LIN52: variants seen among roughly 807,000 people sequenced by gnomAD.
LIN52 encodes the protein protein lin-52 homolog.
A neutral mutation model predicts 18.5 loss-of-function variants in LIN52; 4 were observed. The observed-to-expected ratio is 0.22, with a 90% confidence interval of 0.11 to 0.49. The LOEUF (loss-of-function observed/expected upper bound fraction) is 0.49. Among genes scored for constraint, LIN52 ranks in the 20% least tolerant of loss-of-function variants. LIN52 has a pLI of 0.97. For synonymous variants in LIN52, 34 were observed against 45.5 expected (o/e 0.75, Z 1.02); for missense variants, 102 against 139.5 (o/e 0.73, Z 1.35).
At chr14:74,188,447 T>C (rs542227322) in intron 5 of LIN52, among the ~76,000 whole-genome samples, 1 of 152,262 alleles carries the variant, frequency 6.6e-6, no homozygotes, top group East Asian at 1.9e-4. Flanking sequence ...TGTATTTTTT[T>C]AAAAAGTTCT....
chr14:74,193,372 C>T (rs1181560290), intron 5 of LIN52, among the ~76,000 whole-genome samples: 1 of 151,796 alleles, frequency 6.6e-6, no homozygotes, highest in Non-Finnish European at 1.5e-5. Context: ...TATGGCTGCA[C>T]CACTGCACTC....
intron 5 of LIN52, among the ~76,000 whole-genome samples, chr14:74,154,243 A>G (rs2061188833): frequency 6.6e-6 from 1 of 151,690 alleles, no homozygotes; most frequent in African/African-American, 2.4e-5. Flanking sequence ...TAGCCATGAC[A>G]GTTTTAAAGA....
chr14:74,085,102 C>G, intron 1 of LIN52, 109 bp downstream of exon 1: 1 of 1,048,654 alleles, frequency 9.5e-7, no homozygotes, highest in East Asian at 2.9e-5. Flanking sequence ...GGGCTCTTCT[C>G]CTTTCCCTTT....
rs183352267 is a variant in LIN52, at chr14:74,102,318, C to T, written c.283+1080C>T. Among the ~76,000 whole-genome samples the T allele has an allele frequency of 1.6e-3, 246 of 152,230 alleles. 1 individual carries two copies. Among genetic ancestry groups the T allele is most frequent in the Non-Finnish European group, 2.3e-3 (154 of 68,016 alleles). ...ACTTCCTCAGACCTCTTTATCCTTC[C>T]TTTATTTCTATTACTGTCATCAGCA... On this transcript the variant is annotated intron_variant, in intron 5 of 5. Transcript: ENST00000555028.
chr14:74,167,074 A>G (rs2061252501), intron 5 of LIN52, among the ~76,000 whole-genome samples: 1 of 145,168 alleles, frequency 6.9e-6, no homozygotes, highest in Admixed American at 6.9e-5. Context: ...TCAGGCTGGT[A>G]TCTCTCCTGG....
chr14:74,120,292 C>T (rs2060991511), intron 5 of LIN52, among the ~76,000 whole-genome samples: 1 of 151,942 alleles, frequency 6.6e-6, no homozygotes, highest in African/African-American at 2.4e-5. Context: ...AGTTTTTTCC[C>T]CCAACTTTTT....
At chr14:74,127,479 A>T (rs2139932854) in intron 5 of LIN52, among the ~76,000 whole-genome samples, 1 of 152,304 alleles carries the variant, frequency 6.6e-6, no homozygotes, top group South Asian at 2.1e-4. Flanking sequence ...AGGTTGGCTC[A>T]TGTGAGATTT....
intron 5 of LIN52, among the ~76,000 whole-genome samples, chr14:74,148,172 T>C (rs532750667): frequency 6.6e-6 from 1 of 152,246 alleles, no homozygotes; most frequent in East Asian, 1.9e-4. Flanking sequence ...CCTCAATTCA[T>C]GAATAAGTCC....
At chr14:74,149,493 G>C (rs941910122) in intron 5 of LIN52, among the ~76,000 whole-genome samples, 1 of 152,142 alleles carries the variant, frequency 6.6e-6, no homozygotes, top group Non-Finnish European at 1.5e-5. Flanking sequence ...GAGGTTATGC[G>C]TGGTATTCTC....
chr14:74,156,284 T>G (rs2061198744), intron 5 of LIN52, among the ~76,000 whole-genome samples: 1 of 152,240 alleles, frequency 6.6e-6, no homozygotes, highest in Non-Finnish European at 1.5e-5. Flanking sequence ...TTTGTTATGT[T>G]GATGCGAATG....
At chr14:74,086,939 A>T (rs957424499) in intron 1 of LIN52, among the ~76,000 whole-genome samples, 1 of 144,244 alleles carries the variant, frequency 6.9e-6, no homozygotes, top group Admixed American at 6.8e-5. Flanking sequence ...TGTATATTTC[A>T]CCACAGTTGA....
chr14:74,161,240 G>A (rs1286314079), intron 5 of LIN52, among the ~76,000 whole-genome samples: 1 of 152,074 alleles, frequency 6.6e-6, no homozygotes, highest in Admixed American at 6.5e-5. Flanking sequence ...ATGCTGGAGT[G>A]CAGTGCATGA....
intron 5 of LIN52, among the ~76,000 whole-genome samples, chr14:74,142,433 G>A (rs1453611242): frequency 2.0e-5 from 3 of 152,090 alleles, no homozygotes; most frequent in African/African-American, 7.2e-5. Flanking sequence ...TCTTGTCCAA[G>A]CCTTTATTAG....
At chr14:74,109,607 A>T (rs1299067809) in intron 5 of LIN52, among the ~76,000 whole-genome samples, 1 of 152,214 alleles carries the variant, frequency 6.6e-6, no homozygotes, top group African/African-American at 2.4e-5. Flanking sequence ...TGAAATTGGG[A>T]TGTGTGAGCT....
In LIN52 at chr14:74,200,774, A is replaced by G. The variant is rs2078943773; in HGVS notation, c.*1797A>G. Reference sequence around the variant, plus strand: ...TAATTTAAACTTATTATCGATTGATATTTCTGTATCTCACTAAATGCGGTT... The same window carrying G: ...TAATTTAAACTTATTATCGATTGATGTTTCTGTATCTCACTAAATGCGGTT... On this transcript the variant is annotated 3_prime_UTR_variant, in exon 6 of 6. Transcript: ENST00000555028. The G allele has an allele frequency of 6.6e-6, 1 of 151,892 alleles. No homozygotes were observed. The highest frequency in any genetic ancestry group is 6.6e-5 in the Admixed American group (1 of 15,216). The allele number at this position is 151,892 out of a possible 1,614,324, so 9.4% of individuals were successfully genotyped here. A position where few individuals can be genotyped will look rare whatever the true frequency, so the allele number is the denominator to read the frequency against.
At chr14:74,189,946 A>G (rs1337352795) in intron 5 of LIN52, among the ~76,000 whole-genome samples, 1 of 152,126 alleles carries the variant, frequency 6.6e-6, no homozygotes, top group African/African-American at 2.4e-5. Context: ...GGGTGTTACT[A>G]TGAATTGAAG....
rs1157351314 is a variant in LIN52 at position 74,101,193 on chromosome 14, G to T, written c.238G>T (p.Val80Phe). 4 of 1,611,272 alleles carry T rather than the reference G, an allele frequency of 2.5e-6. No individual in the cohort carries two copies. The highest frequency in any genetic ancestry group is 2.7e-5 in the African/African-American group (2 of 74,726). Residue 80 changes from valine (V) to phenylalanine (F), a missense_variant, in exon 5 of 6, where the codon GTT becomes TTT. Val to Phe is a conservative substitution (Grantham distance 50). Coordinates refer to ENST00000555028, the MANE Select transcript of LIN52 (RefSeq NM_001024674.3). ...CACCACGGCTAATTTGATGGAGAAG[G>T]TTCGAGGCCTACAGAACCTAGCCTA... ...SLTTANLMEKVRGLQNLAYQL... is the reference protein window; with the variant it reads ...SLTTANLMEKFRGLQNLAYQL...
At chr14:74,121,616 T>G (rs1488372008) in intron 5 of LIN52, among the ~76,000 whole-genome samples, 1 of 152,164 alleles carries the variant, frequency 6.6e-6, no homozygotes, top group Non-Finnish European at 1.5e-5. Flanking sequence ...TTTCAAATAA[T>G]GATGGTAATA....
chr14:74,096,057 C>CTTTAT (rs969000651), intron 3 of LIN52, 72 bp downstream of exon 3: 88 of 1,036,192 alleles, frequency 8.5e-5, no homozygotes, highest in East Asian at 2.8e-4. Context: ...GATCTCTGTT[C>CTTTAT]TTTATTTTAT....
Sources: gnomAD v4.1 joint callset for allele counts (sites outside exome capture counted in the v4.1 genomes callset) on GRCh38, gnomAD v4.1.1 for gene constraint, MANE v1.5 for transcripts, NCBI Gene and HGNC (gene_info 2026-07-23, HGNC 2026-07-21) for gene names.